SUN5: variants seen among roughly 807,000 people sequenced by gnomAD.
SUN5 encodes the protein SUN domain-containing protein 5.
A neutral mutation model predicts 53.7 loss-of-function variants in SUN5; 44 were observed. That is an observed-to-expected ratio of 0.82 (90% CI 0.64 to 1.05). The LOEUF (loss-of-function observed/expected upper bound fraction) is 1.05, where lower values mean the gene tolerates loss of function less well. Ranked by LOEUF, SUN5 falls within the 50% of genes least tolerant of loss-of-function variation. The pLI, the probability that SUN5 is intolerant of heterozygous loss-of-function variation, is 0.00. For missense variants in SUN5, 433 were observed against 483.8 expected, an observed-to-expected ratio of 0.90 and a Z score of 0.98; for synonymous variants, 166 against 179.8, an observed-to-expected ratio of 0.92 and a Z score of 0.62.
intron 5 of SUN5, among the ~76,000 whole-genome samples, chr20:32,999,167 T>C (rs1201676305): frequency 1.3e-5 from 2 of 152,244 alleles, no homozygotes; most frequent in African/African-American, 4.8e-5. Context: ...CCTTGTGTTA[T>C]AACTAAAAAT....
chr20:32,999,921 A>G, intron 5 of SUN5, 153 bp downstream of exon 5: 1 of 1,550,298 alleles, frequency 6.5e-7, no homozygotes, highest in Non-Finnish European at 8.7e-7. Context: ...TTTCATGGTC[A>G]TCATTTCATT....
chr20:32,989,743 G>A (rs746698898), intron 8 of SUN5, 45 bp from the exon 9 acceptor site: 45 of 1,553,366 alleles, frequency 2.9e-5, no homozygotes, highest in East Asian at 1.8e-4. Context: ...GTGTTGTCAC[G>A]GACTGTGATC....
chr20:32,994,354 C>A (rs1161852876), intron 8 of SUN5, among the ~76,000 whole-genome samples: 1 of 152,112 alleles, frequency 6.6e-6, no homozygotes, highest in Admixed American at 6.5e-5. Context: ...CTAAAAGTTA[C>A]TAGACTTGAA....
chr20:32,987,655 C>A lies in SUN5; in HGVS notation c.729+5G>T, dbSNP rs754351766. ...CGCTGTCCCATCTCCCGCCATCCCC[C>A]CTGCCTCAAGGATCACGTCTGGGGG... is the stretch of plus-strand genomic sequence containing the variant. On this transcript the variant is annotated splice_donor_5th_base_variant and intron_variant, in intron 10 of 12. Transcript: ENST00000356173. The A allele has an allele frequency of 4.4e-6, 7 of 1,598,548 alleles. No homozygotes were observed. Among genetic ancestry groups the A allele is most frequent in the East Asian group, 4.5e-5 (2 of 44,436 alleles).
intron 10 of SUN5, among the ~76,000 whole-genome samples, chr20:32,986,386 C>T (rs1329533024): frequency 1.3e-5 from 2 of 152,192 alleles, no homozygotes; most frequent in Non-Finnish European, 2.9e-5. Context: ...TTAAGCACCA[C>T]GATCTCCTGC....
In SUN5 at chr20:32,995,711, C is replaced by T. The variant is rs775361412; in HGVS notation, c.442G>A (p.Val148Met). Residue 148 changes from valine (V) to methionine (M), a missense_variant, in exon 8 of 13, where the codon GTG (valine) becomes ATG (methionine). Physicochemically the swap from Val to Met is conservative, Grantham distance 21. Coordinates refer to ENST00000356173, the MANE Select transcript of SUN5 (RefSeq NM_080675.4). The part of the protein sequence containing the change: ...LQSLRLYQEK[V>M]RHHSGEIQDL... Reference sequence around the variant, plus strand: ...TGGATTTCCCCACTGTGATGTCGCACCTTCTCCTGGTACAACCTTATCAGG... The same window carrying T: ...TGGATTTCCCCACTGTGATGTCGCATCTTCTCCTGGTACAACCTTATCAGG... The T allele has an allele frequency of 2.5e-5, 41 of 1,614,124 alleles. No homozygotes were observed. Among genetic ancestry groups the T allele is most frequent in the Non-Finnish European group, 3.5e-5 (41 of 1,180,004 alleles).
chr20:33,003,017 C>T (rs1990094928), intron 1 of SUN5, 98 bp from the exon 2 acceptor site: 2 of 1,407,724 alleles, frequency 1.4e-6, no homozygotes, highest in Admixed American at 1.8e-5. Context: ...AACTGAGGTA[C>T]AGAGAAGGTT....
At chr20:33,001,570 C>CTTTT (rs750352057) in intron 3 of SUN5, among the ~76,000 whole-genome samples, 12 of 71,454 alleles carry the variant, frequency 1.7e-4, no homozygotes, top group African/African-American at 7.0e-4. Flanking sequence ...TTCTTTTCTT[C>CTTTT]CTTCCTTCCT....
At chr20:33,001,546 C>CTTTCTTTCT (rs1990022595) in intron 3 of SUN5, among the ~76,000 whole-genome samples, 2 of 137,122 alleles carry the variant, frequency 1.5e-5, no homozygotes, top group African/African-American at 3.4e-5. Context: ...TTCTTTCTTT[C>CTTTCTTTCT]TTTCTTTCTT....
At chr20:32,997,435 T>C (rs221974) in intron 6 of SUN5, among the ~76,000 whole-genome samples, 52,305 of 151,820 alleles carry the variant, frequency 0.34, 9,692 homozygotes, top group East Asian at 0.79. Context: ...GAGGGACTAT[T>C]GCATCCAATC....
intron 8 of SUN5, among the ~76,000 whole-genome samples, chr20:32,993,842 C>T (rs6087439): frequency 6.6e-6 from 1 of 152,332 alleles, no homozygotes; most frequent in South Asian, 2.1e-4. Context: ...CCAGGTGATA[C>T]TGATGATGCA....
intron 10 of SUN5, among the ~76,000 whole-genome samples, chr20:32,986,931 T>G (rs922506566): frequency 1.3e-5 from 2 of 152,220 alleles, no homozygotes; most frequent in Non-Finnish European, 2.9e-5. Flanking sequence ...GGAAGCCCCT[T>G]GCCCCGTCCA....
rs753547084 is a variant in SUN5 at position 32,997,644 on chromosome 20, G to A, written c.384C>T (p.Val128=). ...GAGGAGGGTGCACACTCACCTGCCA[G>A]ACTTTCATTTTCGATGGTAAGTGAA... is the stretch of plus-strand genomic sequence containing the variant. ...FSIHLPSKMK[V]WQDDSINGPL... The change falls in exon 6 of 13, where the codon GTC becomes GTT. Residue 128 remains valine (V), a synonymous_variant. Transcript: ENST00000356173. 3 of 1,613,924 alleles carry A rather than the reference G, an allele frequency of 1.9e-6. No homozygotes were observed. Among genetic ancestry groups the A allele is most frequent in the Non-Finnish European group, 1.7e-6 (2 of 1,179,970 alleles).
chr20:33,001,365 G>A, intron 3 of SUN5, 87 bp from the exon 4 acceptor site: 1 of 1,460,032 alleles, frequency 6.8e-7, no homozygotes, highest in Non-Finnish European at 9.4e-7. Flanking sequence ...GGGGCTGGGG[G>A]AGGCCCTGGA....
chr20:32,992,061 G>A (rs1989724914), intron 8 of SUN5, among the ~76,000 whole-genome samples: 1 of 152,154 alleles, frequency 6.6e-6, no homozygotes, highest in Non-Finnish European at 1.5e-5. Flanking sequence ...GAATTCATCT[G>A]CCCAGCACAG....
intron 5 of SUN5, chr20:32,999,753 A>G (rs1600500771): frequency 1.6e-6 from 1 of 632,652 alleles, no homozygotes; most frequent in African/African-American, 1.8e-5. Context: ...TGGAGGGAGG[A>G]GATTCCTTTG....
At chr20:32,988,349 C>T (rs1236720527) in intron 9 of SUN5, among the ~76,000 whole-genome samples, 2 of 152,152 alleles carry the variant, frequency 1.3e-5, no homozygotes, top group African/African-American at 2.4e-5. Flanking sequence ...GTTGGAGGTG[C>T]TGCCTGGTAG....
intron 8 of SUN5, among the ~76,000 whole-genome samples, chr20:32,993,179 T>A (rs1482664048): frequency 6.6e-6 from 1 of 152,230 alleles, no homozygotes; most frequent in Non-Finnish European, 1.5e-5. Context: ...AAATCACCAA[T>A]TTAGTCACAT....
rs1989655584 is a variant in SUN5 at position 32,989,644 on chromosome 20, G to A, written c.589C>T (p.Pro197Ser). The A allele has an allele frequency of 6.2e-7, 1 of 1,614,062 alleles. No homozygotes were observed. The highest frequency in any genetic ancestry group is 8.5e-7 in the Non-Finnish European group (1 of 1,180,002). The change falls in exon 9 of 13, where the codon CCA becomes TCA. Residue 197 changes from proline to serine, a missense_variant. Pro to Ser is a moderately conservative substitution (Grantham distance 74, BLOSUM62 -1). Coordinates refer to ENST00000356173, the MANE Select transcript of SUN5 (RefSeq NM_080675.4). Reference protein sequence around the residue: ...KMIHGDYIEKPDFALKSIGAS... With the variant: ...KMIHGDYIEKSDFALKSIGAS... Reference sequence around the variant, plus strand: ...CCTATAGACTTCAGGGCAAAGTCTGGCTTTTCGATGTAATCTCCGTGTATC... The same window carrying A: ...CCTATAGACTTCAGGGCAAAGTCTGACTTTTCGATGTAATCTCCGTGTATC...
Sources: gnomAD v4.1 joint callset for allele counts (sites outside exome capture counted in the v4.1 genomes callset) on GRCh38, gnomAD v4.1.1 for gene constraint, MANE v1.5 for transcripts, NCBI Gene and HGNC (gene_info 2026-07-23, HGNC 2026-07-21) for gene names.